PTPRE: variants seen among roughly 807,000 people sequenced by gnomAD.
PTPRE encodes protein tyrosine phosphatase receptor type E.
PTPRE carries 51 observed loss-of-function variants against 102.0 expected under a neutral mutation model. The observed-to-expected ratio is 0.50, with a 90% CI of 0.40 to 0.63. The LOEUF (loss-of-function observed/expected upper bound fraction) is 0.63, where lower values mean the gene tolerates loss of function less well. Among genes scored for constraint, PTPRE ranks in the 30% least tolerant of loss-of-function variants. The probability of loss-of-function intolerance (pLI) is 0.00; values close to 1 mark genes in which losing one functional copy is unlikely to be tolerated. For missense variants in PTPRE, 752 were observed against 915.1 expected, an observed-to-expected ratio of 0.82 and a Z score of 2.30; for synonymous variants, 345 against 348.2, an observed-to-expected ratio of 0.99 and a Z score of 0.10.
At chr10:128,012,422 A>C (rs1845097125) in intron 2 of PTPRE, among the ~76,000 whole-genome samples, 2 of 152,178 alleles carry the variant, frequency 1.3e-5, no homozygotes, top group Non-Finnish European at 2.9e-5. Context: ...AGCCTGAGCT[A>C]GTAAATATCC....
At chr10:127,941,686 G>T (rs906617351) in intron 1 of PTPRE, among the ~76,000 whole-genome samples, 2 of 152,196 alleles carry the variant, frequency 1.3e-5, no homozygotes, top group Non-Finnish European at 2.9e-5. Flanking sequence ...ATTGATAAAA[G>T]AAATAACCAT....
intron 1 of PTPRE, among the ~76,000 whole-genome samples, chr10:127,911,635 C>T (rs1320536884): frequency 6.6e-6 from 1 of 152,200 alleles, no homozygotes; most frequent in East Asian, 1.9e-4. Flanking sequence ...CCGATTTCAC[C>T]CCTTCCCCAC....
At position 127,993,630 on chromosome 10, in the gene PTPRE, C is replaced by T. The variant is rs190371779; in HGVS notation, c.-8+11334C>T. 1.8e-4 allele frequency among the ~76,000 whole-genome samples: 28 copies of T among 152,300 alleles called. No homozygotes were observed. The East Asian group carries it at 4.3e-3, about 23-fold the overall frequency. ...GGGAGTAGGGAGAAGACAGTTGTATCTTTGCATTCTTCACAGAGCCTGGGG... is the reference window on the plus strand; with the variant it reads ...GGGAGTAGGGAGAAGACAGTTGTATTTTTGCATTCTTCACAGAGCCTGGGG... On this transcript the variant is annotated intron_variant, in intron 2 of 20. Coordinates refer to ENST00000254667, the MANE Select transcript of PTPRE (RefSeq NM_006504.6).
Position 127,982,184 on chromosome 10 carries a change from A to G in PTPRE, c.-30-90A>G, listed in dbSNP as rs376746338. 2.5e-3 allele frequency: 1,891 copies of G among 767,110 alleles called. 46 individuals carry two copies. The South Asian group carries it at 0.029, about 12-fold the overall frequency. 47.5% of individuals were successfully genotyped at this position (767,110 alleles called of 1,614,324 possible). On this transcript the variant is annotated intron_variant, in intron 1 of 20. Transcript: ENST00000254667. ...CAATTAAGCAAAAATGGGATAGTCGACTAGTGCTGTACAGAAGGAAATGGC... is the reference window on the plus strand; with the variant it reads ...CAATTAAGCAAAAATGGGATAGTCGGCTAGTGCTGTACAGAAGGAAATGGC...
At chr10:127,973,783 C>T (rs867039616) in intron 1 of PTPRE, among the ~76,000 whole-genome samples, 5 of 152,160 alleles carry the variant, frequency 3.3e-5, no homozygotes, top group South Asian at 2.1e-4. Context: ...TGCGCCTGAA[C>T]GCCACCTCTG....
intron 6 of PTPRE, among the ~76,000 whole-genome samples, chr10:128,049,957 T>A (rs1466283840): frequency 6.6e-6 from 1 of 152,182 alleles, no homozygotes; most frequent in Admixed American, 6.5e-5. Flanking sequence ...AACACTGTTA[T>A]CTCGATAACA....
chr10:127,917,831 A>G (rs918557672), intron 1 of PTPRE, among the ~76,000 whole-genome samples: 4 of 152,098 alleles, frequency 2.6e-5, no homozygotes, highest in African/African-American at 9.7e-5. Context: ...GGAGTTCACA[A>G]CTAGCCGGGC....
intron 2 of PTPRE, chr10:127,998,380 A>G (rs1041193518): frequency 1.3e-5 from 2 of 152,224 alleles, no homozygotes; most frequent in Non-Finnish European, 2.9e-5. Flanking sequence ...AAGCCTGGTC[A>G]CTGTCTTTGC....
At chr10:127,976,594 G>A (rs74504297) in intron 1 of PTPRE, among the ~76,000 whole-genome samples, 9,480 of 152,196 alleles carry the variant, frequency 0.062, 457 homozygotes, top group African/African-American at 0.13. Flanking sequence ...AAGGATGGTT[G>A]AGAAAAATGG....
At chr10:127,947,152 TA>T (rs5788880) in intron 1 of PTPRE, among the ~76,000 whole-genome samples, 8 of 151,982 alleles carry the variant, frequency 5.3e-5, no homozygotes, top group African/African-American at 1.7e-4. Flanking sequence ...AGTTTGACTT[TA>T]AAAAAAATAC....
At chr10:128,013,254 T>C (rs1845158848) in intron 2 of PTPRE, among the ~76,000 whole-genome samples, 1 of 152,148 alleles carries the variant, frequency 6.6e-6, no homozygotes, top group Non-Finnish European at 1.5e-5. Flanking sequence ...ATCGGTTAGC[T>C]GGGTCGAGGG....
At chr10:128,079,950 G>A (rs955129495) in intron 20 of PTPRE, among the ~76,000 whole-genome samples, 3 of 152,164 alleles carry the variant, frequency 2.0e-5, no homozygotes, top group Admixed American at 1.3e-4. Context: ...GAGACCACTC[G>A]GAGAGACGCA....
At chr10:127,915,919 C>T (rs116237372) in intron 1 of PTPRE, among the ~76,000 whole-genome samples, 2,287 of 151,334 alleles carry the variant, frequency 0.015, 61 homozygotes, top group African/African-American at 0.053. Flanking sequence ...ACAAGGGGTT[C>T]ATCAGGATAT....
rs1198807600 is a variant in PTPRE at position 127,907,975 on chromosome 10, T to C, written c.-31+666T>C. ...CTCCTGAGCACAGATGCGAGCGCGGTGCCAATTCTGAGAGCTCCCGGGACC... is the reference window on the plus strand; with the variant it reads ...CTCCTGAGCACAGATGCGAGCGCGGCGCCAATTCTGAGAGCTCCCGGGACC... On this transcript the variant is annotated intron_variant, in intron 1 of 20. Transcript: ENST00000254667. This position sits in a 1 kb window ranked among gnomAD's most constrained non-coding sequence, Gnocchi z 4.8. Among the ~76,000 whole-genome samples, 1 of 152,084 alleles carries C rather than the reference T, an allele frequency of 6.6e-6. No individual in the cohort carries two copies. Among genetic ancestry groups the C allele is most frequent in the Non-Finnish European group, 1.5e-5 (1 of 68,002 alleles).
chr10:127,923,398 A>ATTTTT (rs35994733), intron 1 of PTPRE, among the ~76,000 whole-genome samples: 7 of 106,920 alleles, frequency 6.5e-5, no homozygotes, highest in South Asian at 3.3e-4. Flanking sequence ...ACCAGTTTGA[A>ATTTTT]TTTTTTTTTT....
chr10:128,045,377 C>T (rs1848006975), intron 3 of PTPRE, among the ~76,000 whole-genome samples: 1 of 152,204 alleles, frequency 6.6e-6, no homozygotes, highest in South Asian at 2.1e-4. Flanking sequence ...GAGAGGACCC[C>T]ATGAGTTGGC....
At chr10:128,040,675 A>C (rs1335030983) in intron 2 of PTPRE, among the ~76,000 whole-genome samples, 200 bp from the exon 3 acceptor site, 1 of 152,096 alleles carries the variant, frequency 6.6e-6, no homozygotes, top group African/African-American at 2.4e-5. Context: ...CCTTTGAGTG[A>C]ATGTCCACAG....
Position 128,056,106 on chromosome 10 carries a change from G to T in PTPRE, c.421-17G>T. ...TGAATCCATCACATTTCATACTAATGCTACATTTTCTTCCAGTCATTGCCA... is the reference window on the plus strand; with the variant it reads ...TGAATCCATCACATTTCATACTAATTCTACATTTTCTTCCAGTCATTGCCA... On this transcript the variant is annotated splice_polypyrimidine_tract_variant and intron_variant, in intron 6 of 20. Transcript: ENST00000254667. 6.4e-7 allele frequency: 1 copy of T among 1,574,258 alleles called. No homozygotes were observed. The highest frequency in any genetic ancestry group is 8.7e-7 in the Non-Finnish European group (1 of 1,144,352).
intron 1 of PTPRE, among the ~76,000 whole-genome samples, chr10:127,917,191 C>G (rs892266578): frequency 6.6e-6 from 1 of 151,398 alleles, no homozygotes; most frequent in African/African-American, 2.4e-5. Context: ...CACAGGCTTA[C>G]GAGATGATGG....
Sources: allele counts gnomAD v4.1 joint callset (sites outside exome capture counted in the v4.1 genomes callset), GRCh38; gene constraint gnomAD v4.1.1; non-coding constraint Gnocchi (gnomAD v3.1); transcripts MANE v1.5; gene names NCBI Gene and HGNC (gene_info 2026-07-23, HGNC 2026-07-21).